Variants in NAT1 observed in about 807,000 individuals in gnomAD.
NAT1 encodes N-acetyltransferase 1, also known as arylamine N-acetyltransferase 1.
For synonymous variants in NAT1, 144 were observed against 122.6 expected, an observed-to-expected ratio of 1.17 and a Z score of -1.16; for missense variants, 400 against 339.2, an observed-to-expected ratio of 1.18 and a Z score of -1.41.
At chr8:18,172,854 C>G (rs1008612978) in intron 2 of NAT1, among the ~76,000 whole-genome samples, 1 of 152,096 alleles carries the variant, frequency 6.6e-6, no homozygotes, top group South Asian at 2.1e-4. Flanking sequence ...CCCCAAAGAA[C>G]TTGAGTGGAT....
At chr8:18,201,475 T>C (rs1171770519) in intron 2 of NAT1, among the ~76,000 whole-genome samples, 1 of 152,040 alleles carries the variant, frequency 6.6e-6, no homozygotes, top group African/African-American at 2.4e-5. Context: ...GTCCTGCATT[T>C]AACTTCCTAA....
At chr8:18,182,672 A>G (rs1423116802) in intron 2 of NAT1, among the ~76,000 whole-genome samples, 1 of 152,198 alleles carries the variant, frequency 6.6e-6, no homozygotes, top group South Asian at 2.1e-4. Flanking sequence ...GTTTTCTAGC[A>G]GAGTAATTCT....
At chr8:18,170,646 A>G (rs2117186118) in intron 1 of NAT1, 1 of 152,314 alleles carries the variant, frequency 6.6e-6, no homozygotes, top group South Asian at 2.1e-4. Context: ...AAAGTTTGTT[A>G]AATTTAATTT....
At chr8:18,208,828 T>G (rs537177428), upstream of NAT1, among the ~76,000 whole-genome samples, 185 of 152,324 alleles carry the variant, frequency 1.2e-3, no homozygotes, top group Non-Finnish European at 2.1e-3. Context: ...GAGGGAAATC[T>G]GCTACCTCAG....
At chr8:18,207,068 C>G (rs890077007), upstream of NAT1, among the ~76,000 whole-genome samples, 19 of 152,148 alleles carry the variant, frequency 1.2e-4, no homozygotes, top group African/African-American at 4.3e-4. Flanking sequence ...AGGAAGGGGT[C>G]TAGTTTCATT....
chr8:18,173,145 T>TGC (rs959151796), intron 2 of NAT1, among the ~76,000 whole-genome samples: 9 of 110,718 alleles, frequency 8.1e-5, no homozygotes, highest in African/African-American at 3.9e-4. Context: ...CACACAGAGA[T>TGC]GCACACACAC....
At chr8:18,199,860 T>C (rs1016826832) in intron 2 of NAT1, among the ~76,000 whole-genome samples, 1 of 152,148 alleles carries the variant, frequency 6.6e-6, no homozygotes, top group African/African-American at 2.4e-5. Context: ...GAAAAGGATA[T>C]GAACAGACAC....
At chr8:18,222,006 A>G in intron 2 of NAT1, 36 bp from the exon 3 acceptor site, 2 of 1,565,104 alleles carry the variant, frequency 1.3e-6, no homozygotes, top group Non-Finnish European at 8.6e-7. Flanking sequence ...GTGTAAAAGT[A>G]AAATGATTTG....
chr8:18,181,720 T>C (rs972824257), intron 2 of NAT1, among the ~76,000 whole-genome samples: 6 of 152,198 alleles, frequency 3.9e-5, no homozygotes, highest in African/African-American at 1.4e-4. Flanking sequence ...GGTTGTCATA[T>C]ATAGCCTTTA....
At chr8:18,214,228 C>G (rs931234432) in intron 1 of NAT1, among the ~76,000 whole-genome samples, 4 of 152,168 alleles carry the variant, frequency 2.6e-5, no homozygotes, top group African/African-American at 9.7e-5. Context: ...CACCAACACT[C>G]CTTTAGTGTG....
chr8:18,200,132 G>A (rs1487562919), intron 2 of NAT1, among the ~76,000 whole-genome samples: 1 of 152,118 alleles, frequency 6.6e-6, no homozygotes, highest in Non-Finnish European at 1.5e-5. Context: ...AAACAGCCTG[G>A]TGATTGCTCA....
At chr8:18,176,289 A>G (rs1378301287) in intron 2 of NAT1, among the ~76,000 whole-genome samples, 3 of 152,086 alleles carry the variant, frequency 2.0e-5, no homozygotes, top group Non-Finnish European at 4.4e-5. Context: ...GCCCACACCA[A>G]TGTCATGGAG....
intron 2 of NAT1, among the ~76,000 whole-genome samples, chr8:18,178,454 C>A (rs1802377487): frequency 6.6e-6 from 1 of 152,086 alleles, no homozygotes; most frequent in Non-Finnish European, 1.5e-5. Context: ...ACAAAACAGA[C>A]ATCTCTTCAC....
At chr8:18,211,527 T>C (rs1804100987) in intron 1 of NAT1, among the ~76,000 whole-genome samples, 1 of 152,356 alleles carries the variant, frequency 6.6e-6, no homozygotes, top group African/African-American at 2.4e-5. Flanking sequence ...CCTTGCTGTC[T>C]TCAGCAGTAG....
chr8:18,204,132 G>C lies in NAT1; in HGVS notation n.93-5649G>C, dbSNP rs191058204. Among the ~76,000 whole-genome samples the C allele has an allele frequency of 2.2e-3, 331 of 151,898 alleles. 2 individuals carry two copies. Among genetic ancestry groups the C allele is most frequent in the African/African-American group, 7.6e-3 (313 of 41,244 alleles). On this transcript the variant is annotated intron_variant and non_coding_transcript_variant, in intron 2 of 4. Coordinates refer to the NAT1 transcript ENST00000517441. Reference sequence around the variant, plus strand: ...CTGCCTGCCTATAAAATTGGCTGCAGTCCGCTGCCTCCTTGACTTTTTGGA... The same window carrying C: ...CTGCCTGCCTATAAAATTGGCTGCACTCCGCTGCCTCCTTGACTTTTTGGA...
intron 2 of NAT1, among the ~76,000 whole-genome samples, chr8:18,187,306 C>G (rs542554484): frequency 6.6e-5 from 10 of 152,198 alleles, no homozygotes; most frequent in African/African-American, 2.4e-4. Flanking sequence ...CCTTAAAGAC[C>G]TAAAACAGCA....
At chr8:18,190,618 A>T (rs1352159517) in intron 2 of NAT1, among the ~76,000 whole-genome samples, 1 of 152,184 alleles carries the variant, frequency 6.6e-6, no homozygotes, top group African/African-American at 2.4e-5. Flanking sequence ...GCTCTCCAGG[A>T]CGTGGTGGTG....
At chr8:18,216,879 G>A (rs28359502) in intron 1 of NAT1, 20 of 1,538,518 alleles carry the variant, frequency 1.3e-5, no homozygotes, top group Admixed American at 2.0e-5. Flanking sequence ...TTCAACAGAC[G>A]TGTACAGAAG....
chr8:18,189,630 G>T lies in NAT1; in HGVS notation n.92+18891G>T, dbSNP rs374436426. Among the ~76,000 whole-genome samples, 11 of 152,232 alleles carry T rather than the reference G, an allele frequency of 7.2e-5. No individual in the cohort carries two copies. The East Asian group carries it at 1.5e-3, about 21-fold the overall frequency. The stretch of plus-strand genomic sequence containing the variant: ...CAGTTTTTATAGGTAGAAGGCTTTT[G>T]TTTATTTACTTTGCGATGTGGTTGT... On this transcript the variant is annotated intron_variant and non_coding_transcript_variant, in intron 2 of 4. Coordinates refer to the NAT1 transcript ENST00000517441.
Sources: gnomAD v4.1 joint callset for allele counts (sites outside exome capture counted in the v4.1 genomes callset) on GRCh38, gnomAD v4.1.1 for gene constraint, MANE v1.5 for transcripts, NCBI Gene and HGNC (gene_info 2026-07-23, HGNC 2026-07-21) for gene names.